The following CHM variants were observed in gnomAD, a reference collection of about 807,000 sequenced individuals.
CHM encodes the protein CHM Rab escort protein, also known as rab proteins geranylgeranyltransferase component A 1.
In CHM, 10 loss-of-function variants were observed where a neutral mutation model predicts 49.0. The observed-to-expected ratio is 0.20, with a 90% CI of 0.13 to 0.35. The LOEUF (loss-of-function observed/expected upper bound fraction) is 0.35. Among genes scored for constraint, CHM ranks in the 10% least tolerant of loss-of-function variants. The pLI is 1.00. For synonymous variants in CHM, 184 were observed against 167.5 expected (o/e 1.10, Z -0.76); for missense variants, 455 against 478.4 (o/e 0.95, Z 0.46).
At chrX:86,023,140 G>A (rs980770805) in intron 2 of CHM, among the ~76,000 whole-genome samples, 1 of 111,450 alleles carries the variant, frequency 9.0e-6, no homozygotes, top group African/African-American at 3.3e-5. Flanking sequence ...CATCTACTGT[G>A]TAGTACTAAA....
intron 8 of CHM, among the ~76,000 whole-genome samples, chrX:85,948,297 T>C (rs1242484157): frequency 8.9e-6 from 1 of 112,192 alleles, no homozygotes; most frequent in Non-Finnish European, 1.9e-5. Context: ...AAACTGCATA[T>C]ATATCCTGTG....
At chrX:85,925,091 G>A (rs1251294833) in intron 8 of CHM, among the ~76,000 whole-genome samples, 1 of 111,231 alleles carries the variant, frequency 9.0e-6, no homozygotes, top group East Asian at 2.8e-4. Flanking sequence ...TGTACCAGGG[G>A]TCCAGAATAA....
intron 11 of CHM, among the ~76,000 whole-genome samples, chrX:85,897,110 T>A (rs969503756): frequency 3.4e-5 from 2 of 58,474 alleles, no homozygotes; most frequent in Admixed American, 2.5e-4. Context: ...TAACAGCATA[T>A]ATGAAGTATA....
chrX:86,017,122 C>A (rs1933335928), intron 2 of CHM, among the ~76,000 whole-genome samples: 1 of 112,484 alleles, frequency 8.9e-6, no homozygotes, highest in Non-Finnish European at 1.9e-5. Flanking sequence ...TTACACAATA[C>A]CTGTACCCCT....
chrX:85,972,366 C>T (rs1234755988), intron 4 of CHM, among the ~76,000 whole-genome samples: 3 of 113,596 alleles, frequency 2.6e-5, no homozygotes, highest in African/African-American at 9.6e-5. Flanking sequence ...TCACACTCCT[C>T]AGCCCTTGGG....
At chrX:85,868,428 C>T (rs956679244) in intron 14 of CHM, among the ~76,000 whole-genome samples, 9 of 111,210 alleles carry the variant, frequency 8.1e-5, no homozygotes, top group African/African-American at 2.3e-4. Context: ...GCTAGAGACA[C>T]GCAACCCCTG....
rs145707160 is a variant in CHM, at chrX:85,978,816, T to A, written c.265A>T (p.Ser89Cys). 20,802 of 1,204,990 alleles carry A rather than the reference T, an allele frequency of 0.017. 164 individuals are homozygous for A. The highest frequency in any genetic ancestry group is 0.02 in the Non-Finnish European group (18,141 of 890,921). ...TGTTGAATAGTTTTGTCCTTCCTGC[T>A]AAGAGCAATGGCTTCTTCATTTTCA... ...ILENEEAIAL[S>C]RKDKTIQHVE... is the part of the protein sequence containing the mutation. Residue 89 changes from serine to cysteine, a missense_variant, in exon 4 of 15, where the codon AGC becomes TGC. By Grantham distance (112) the Ser-to-Cys change is moderately radical (BLOSUM62 -1). Transcript: ENST00000357749.
intron 4 of CHM, among the ~76,000 whole-genome samples, chrX:85,975,025 A>G (rs1019189765): frequency 4.5e-5 from 5 of 111,177 alleles, no homozygotes; most frequent in Admixed American, 1.9e-4. Flanking sequence ...TTTAAAAACA[A>G]GCAAAAGACA....
intron 2 of CHM, among the ~76,000 whole-genome samples, chrX:86,024,184 G>C (rs183896053): frequency 3.0e-4 from 34 of 111,918 alleles, no homozygotes; most frequent in African/African-American, 1.0e-3. Context: ...GTAAATCCCA[G>C]ACAAAAAGTG....
At chrX:85,907,349 C>A (rs1412515358) in intron 9 of CHM, among the ~76,000 whole-genome samples, 1 of 111,471 alleles carries the variant, frequency 9.0e-6, no homozygotes, top group Non-Finnish European at 1.9e-5. Context: ...GTCATCTCTA[C>A]CCTACCAATA....
At chrX:86,000,714 A>G (rs1285298271) in intron 2 of CHM, among the ~76,000 whole-genome samples, 1 of 110,930 alleles carries the variant, frequency 9.0e-6, no homozygotes, top group African/African-American at 3.3e-5. Flanking sequence ...GTGGAACTGG[A>G]GGTCATTATG....
intron 1 of CHM, among the ~76,000 whole-genome samples, chrX:86,032,057 CTTGA>C (rs1934066065): frequency 8.9e-6 from 1 of 111,858 alleles, no homozygotes; most frequent in Non-Finnish European, 1.9e-5. Flanking sequence ...CACTTAAACT[CTTGA>C]TTAATTTCAA....
At chrX:86,046,678 C>T (rs912758412) in intron 1 of CHM, among the ~76,000 whole-genome samples, 2 of 111,718 alleles carry the variant, frequency 1.8e-5, no homozygotes, top group African/African-American at 6.5e-5. Flanking sequence ...ATTGAAATTG[C>T]TGCCATATGT....
chrX:85,927,724 A>G (rs1928177495), intron 8 of CHM, among the ~76,000 whole-genome samples: 1 of 112,055 alleles, frequency 8.9e-6, no homozygotes, highest in African/African-American at 3.2e-5. Flanking sequence ...GAGCATACCA[A>G]CATGTACTGA....
At chrX:86,039,033 T>G (rs1002501190) in intron 1 of CHM, among the ~76,000 whole-genome samples, 1 of 112,547 alleles carries the variant, frequency 8.9e-6, no homozygotes, top group Non-Finnish European at 1.9e-5. Flanking sequence ...TAGCTGAGCC[T>G]CAGGCTTCAC....
chrX:85,930,169 A>G (rs897988759), intron 8 of CHM, among the ~76,000 whole-genome samples: 1 of 112,128 alleles, frequency 8.9e-6, no homozygotes, highest in Non-Finnish European at 1.9e-5. Flanking sequence ...CATACCTAAC[A>G]TGCCTTAAAG....
rs180707258 is a variant in CHM, at chrX:85,866,890, C to T, written c.1771-2069G>A. Among the ~76,000 whole-genome samples the T allele has an allele frequency of 3.2e-4, 36 of 113,042 alleles. No individual in the cohort carries two copies. The East Asian group carries it at 9.2e-3, about 29-fold the overall frequency. The stretch of plus-strand genomic sequence containing the variant: ...TGGGGACATTTACCCAATGCCTATA[C>T]CCCATCGTATCTTGGAAGTAACTAA... On this transcript the variant is annotated intron_variant, in intron 14 of 14. Coordinates refer to ENST00000357749, the MANE Select transcript of CHM (RefSeq NM_000390.4).
intron 9 of CHM, among the ~76,000 whole-genome samples, chrX:85,901,631 C>T (rs931967414): frequency 1.8e-5 from 2 of 111,348 alleles, no homozygotes; most frequent in Non-Finnish European, 3.8e-5. Flanking sequence ...AGGCCTTTTA[C>T]GAGGTTTTTA....
At chrX:85,949,247 C>T (rs1315894870) in intron 8 of CHM, among the ~76,000 whole-genome samples, 1 of 111,910 alleles carries the variant, frequency 8.9e-6, no homozygotes, top group Non-Finnish European at 1.9e-5. Flanking sequence ...ACATGACAAA[C>T]AAAACTTGTA....
Sources: allele counts gnomAD v4.1 joint callset (sites outside exome capture counted in the v4.1 genomes callset), GRCh38; gene constraint gnomAD v4.1.1; transcripts MANE v1.5; gene names NCBI Gene and HGNC (gene_info 2026-07-23, HGNC 2026-07-21).